Variants in MAD1L1 observed in about 807,000 individuals in gnomAD.
MAD1L1 encodes the protein mitotic spindle assembly checkpoint protein MAD1.
Under a neutral mutation model 96.9 loss-of-function variants are expected in MAD1L1, and 95 were observed. The observed-to-expected ratio is 0.98, with a 90% CI of 0.83 to 1.16. MAD1L1 has a LOEUF of 1.16. Ranked by LOEUF, MAD1L1 falls within the 50% of genes most tolerant of loss-of-function variation. MAD1L1 has a pLI of 0.00. For missense variants in MAD1L1, 1,007 were observed against 954.4 expected (o/e 1.06, Z -0.73); for synonymous variants, 473 against 396.6 (o/e 1.19, Z -2.29).
chr7:2,192,479 C>T (rs986257909), intron 10 of MAD1L1, among the ~76,000 whole-genome samples: 70 of 152,246 alleles, frequency 4.6e-4, no homozygotes, highest in Middle Eastern at 3.4e-3. Flanking sequence ...CAGCTATGAT[C>T]GTGCATGCTC....
intron 11 of MAD1L1, among the ~76,000 whole-genome samples, chr7:2,108,340 C>T (rs967051442): frequency 6.6e-6 from 1 of 152,146 alleles, no homozygotes; most frequent in Non-Finnish European, 1.5e-5. Flanking sequence ...GTCATTCATC[C>T]GCGTCAGAAT....
At chr7:1,872,685 C>G (rs553091058) in intron 18 of MAD1L1, 3 of 152,302 alleles carry the variant, frequency 2.0e-5, no homozygotes, top group Non-Finnish European at 4.4e-5. Flanking sequence ...CTGCGGACTC[C>G]TGGGCACTGG....
intron 10 of MAD1L1, among the ~76,000 whole-genome samples, chr7:2,178,683 G>C (rs1034184094): frequency 6.6e-6 from 1 of 152,168 alleles, no homozygotes; most frequent in Non-Finnish European, 1.5e-5. Flanking sequence ...GATCACCTGA[G>C]GTCAGAAGTT....
At chr7:2,182,489 T>C (rs1791248187) in intron 10 of MAD1L1, among the ~76,000 whole-genome samples, 1 of 151,030 alleles carries the variant, frequency 6.6e-6, no homozygotes, top group African/African-American at 2.4e-5. Flanking sequence ...TCAAGAGAAG[T>C]GAAAAAAAAA....
rs377205219 is a variant in MAD1L1, at chr7:1,824,679, GC to G, written c.1999-8452del. On this transcript the variant is annotated intron_variant, in intron 18 of 18. Transcript: ENST00000265854. Reference sequence around the variant, plus strand: ...AGAGGGGCGTGCCTGGATGGCATCTGCCGGGGCAGCCATAGGTCCCTGTGAA... The same window carrying G: ...AGAGGGGCGTGCCTGGATGGCATCTGCGGGGCAGCCATAGGTCCCTGTGAA... 1.8e-3 allele frequency among the ~76,000 whole-genome samples: 269 copies of G among 152,342 alleles called. 1 individual carries two copies. Among genetic ancestry groups the G allele is most frequent in the Non-Finnish European group, 2.4e-3 (165 of 68,040 alleles).
rs1209873268 is a variant in MAD1L1 at position 1,867,306 on chromosome 7, T to G, written c.1998+30894A>C. Among the ~76,000 whole-genome samples, 5 of 151,800 alleles carry G rather than the reference T, an allele frequency of 3.3e-5. No homozygotes were observed. In the South Asian group the frequency reaches 1.0e-3, roughly 32 times the overall value. Reference sequence around the variant, plus strand: ...GGAGGGGAATGCCGGGACAAGGAAGTGTGGGACAAGGAAGAGGTGCTGGCT... The same window carrying G: ...GGAGGGGAATGCCGGGACAAGGAAGGGTGGGACAAGGAAGAGGTGCTGGCT... On this transcript the variant is annotated intron_variant, in intron 18 of 18. Transcript: ENST00000265854.
chr7:1,970,517 A>G (rs1780358217), intron 15 of MAD1L1, among the ~76,000 whole-genome samples: 1 of 151,872 alleles, frequency 6.6e-6, no homozygotes, highest in South Asian at 2.1e-4. Flanking sequence ...CATTTTTAGT[A>G]GAGACGGGGT....
chr7:2,081,554 G>A (rs537145150), intron 11 of MAD1L1, among the ~76,000 whole-genome samples: 11 of 152,260 alleles, frequency 7.2e-5, no homozygotes, highest in Middle Eastern at 3.4e-3. Context: ...CACAGGAGGC[G>A]GGGGGCGCTC....
chr7:1,892,735 C>T (rs1786626536), intron 18 of MAD1L1, among the ~76,000 whole-genome samples: 1 of 152,194 alleles, frequency 6.6e-6, no homozygotes, highest in African/African-American at 2.4e-5. Context: ...TCTGTGCCGT[C>T]CACGCCTCTG....
chr7:2,149,827 G>A (rs1027645556), intron 10 of MAD1L1, among the ~76,000 whole-genome samples: 20 of 152,184 alleles, frequency 1.3e-4, no homozygotes, highest in African/African-American at 4.6e-4. Flanking sequence ...AGCTGAGCTC[G>A]GCCCGAGCCA....
intron 18 of MAD1L1, among the ~76,000 whole-genome samples, chr7:1,884,941 C>T (rs563026989): frequency 1.3e-5 from 2 of 152,358 alleles, no homozygotes; most frequent in East Asian, 1.9e-4. Context: ...CCCCTCACGT[C>T]GCCCTCCGGG....
intron 16 of MAD1L1, among the ~76,000 whole-genome samples, chr7:1,947,133 G>A (rs976595509): frequency 1.8e-4 from 27 of 152,248 alleles, no homozygotes; most frequent in African/African-American, 6.5e-4. Context: ...CCGGAGCAGA[G>A]GACAGGAAAG....
At chr7:1,945,433 A>G (rs1200011487) in intron 16 of MAD1L1, among the ~76,000 whole-genome samples, 2 of 152,192 alleles carry the variant, frequency 1.3e-5, no homozygotes, top group East Asian at 1.9e-4. Flanking sequence ...GGTTAGAGTA[A>G]CGCAGGAAGT....
intron 11 of MAD1L1, among the ~76,000 whole-genome samples, chr7:2,102,967 GAGGT>G (rs1228960835): frequency 6.6e-6 from 1 of 152,218 alleles, no homozygotes; most frequent in East Asian, 1.9e-4. Context: ...AGGTTCGGCA[GAGGT>G]GGCACTGTCC....
At chr7:2,026,064 AT>A (rs1263794919) in intron 12 of MAD1L1, among the ~76,000 whole-genome samples, 1 of 152,178 alleles carries the variant, frequency 6.6e-6, no homozygotes, top group Non-Finnish European at 1.5e-5. Flanking sequence ...AAATACTTAT[AT>A]ATTTATAGTA....
intron 17 of MAD1L1, among the ~76,000 whole-genome samples, chr7:1,908,148 G>A (rs1787789908): frequency 6.6e-6 from 1 of 152,220 alleles, no homozygotes; most frequent in Non-Finnish European, 1.5e-5. Flanking sequence ...CAGCATGACA[G>A]GCCCAGCAAG....
intron 11 of MAD1L1, among the ~76,000 whole-genome samples, chr7:2,081,792 C>A (rs537282072): frequency 1.3e-5 from 2 of 152,318 alleles, no homozygotes; most frequent in African/African-American, 2.4e-5. Context: ...GGGAAGGCCG[C>A]CTGGCCTAGC....
intron 11 of MAD1L1, among the ~76,000 whole-genome samples, chr7:2,120,207 T>C (rs1008499201): frequency 6.6e-6 from 1 of 152,198 alleles, no homozygotes; most frequent in Non-Finnish European, 1.5e-5. Flanking sequence ...CCCAGTTGCC[T>C]GTCCTTCAGG....
At chr7:2,197,898 G>C (rs1172622752) in intron 10 of MAD1L1, among the ~76,000 whole-genome samples, 4 of 151,448 alleles carry the variant, frequency 2.6e-5, no homozygotes, top group African/African-American at 9.7e-5. Context: ...CTAGCCCCCG[G>C]GTCCCAGCCC....
Sources: gnomAD v4.1 joint callset for allele counts (sites outside exome capture counted in the v4.1 genomes callset) on GRCh38, gnomAD v4.1.1 for gene constraint, MANE v1.5 for transcripts, NCBI Gene and HGNC (gene_info 2026-07-23, HGNC 2026-07-21) for gene names.